The following DOK5 variants were observed in gnomAD, a reference collection of about 807,000 sequenced individuals.
The protein encoded by DOK5 is downstream of tyrosine kinase 5.
Under a neutral mutation model 43.3 loss-of-function variants are expected in DOK5, and 27 were observed. The observed-to-expected ratio is 0.62, with a 90% CI of 0.46 to 0.86. DOK5 has a LOEUF of 0.86. Among genes scored for constraint, DOK5 ranks in the 40% least tolerant of loss-of-function variants. DOK5 has a pLI of 0.00. For missense variants in DOK5, 373 were observed against 392.9 expected (o/e 0.95, Z 0.43); for synonymous variants, 146 against 140.1 (o/e 1.04, Z -0.30).
chr20:54,481,980 C>T (rs905853151), intron 1 of DOK5, among the ~76,000 whole-genome samples: 1 of 152,192 alleles, frequency 6.6e-6, no homozygotes, highest in African/African-American at 2.4e-5. Context: ...GACAATGACA[C>T]TTAACTGGTT....
chr20:54,605,011 AAATATATAT>A (rs1461477156), intron 5 of DOK5, among the ~76,000 whole-genome samples: 12 of 112,058 alleles, frequency 1.1e-4, no homozygotes, highest in Admixed American at 3.4e-4. Flanking sequence ...CAAAAAAAAA[AAATATATAT>A]ATATACACAC....
chr20:54,601,473 T>C (rs1568804467), intron 5 of DOK5, among the ~76,000 whole-genome samples: 1 of 152,344 alleles, frequency 6.6e-6, no homozygotes, highest in East Asian at 1.9e-4. Flanking sequence ...ACAGATACAA[T>C]TAATAAACAA....
intron 6 of DOK5, among the ~76,000 whole-genome samples, chr20:54,637,957 C>T (rs1364600474): frequency 3.3e-5 from 5 of 152,080 alleles, no homozygotes; most frequent in Non-Finnish European, 7.4e-5. Context: ...CCCGTCTCTA[C>T]TAAAAATACA....
chr20:54,539,506 C>A (rs1293529161), intron 1 of DOK5, among the ~76,000 whole-genome samples: 1 of 152,102 alleles, frequency 6.6e-6, no homozygotes, highest in East Asian at 1.9e-4. Context: ...TAGCTACAAT[C>A]TCTCTGTAGT....
At chr20:54,639,203 G>T (rs1007406616) in intron 6 of DOK5, among the ~76,000 whole-genome samples, 2 of 152,142 alleles carry the variant, frequency 1.3e-5, no homozygotes, top group South Asian at 4.1e-4. Flanking sequence ...CAAGTCCCTG[G>T]ACTCCCTCCC....
chr20:54,608,373 G>A (rs1986537488), intron 5 of DOK5, among the ~76,000 whole-genome samples: 1 of 152,150 alleles, frequency 6.6e-6, no homozygotes, highest in Non-Finnish European at 1.5e-5. Flanking sequence ...TTTCCTAATT[G>A]ATGGAATAAA....
At chr20:54,501,349 C>T (rs1367646943) in intron 1 of DOK5, among the ~76,000 whole-genome samples, 1 of 151,438 alleles carries the variant, frequency 6.6e-6, no homozygotes, top group East Asian at 1.9e-4. Context: ...CGCCTGTAGA[C>T]CCAGCTACTC....
chr20:54,524,340 A>T lies in DOK5; in HGVS notation c.67-30593A>T, dbSNP rs560937724. 6.6e-5 allele frequency among the ~76,000 whole-genome samples: 10 copies of T among 152,280 alleles called. No individual in the cohort carries two copies. The South Asian group carries it at 1.2e-3, about 19-fold the overall frequency. On this transcript the variant is annotated intron_variant, in intron 1 of 7. Transcript: ENST00000262593. ...CAGCGTGGTTCACTTGACAACATAA[A>T]CAGATATATGCTGTTAAATGGCCCA... is the stretch of plus-strand genomic sequence containing the variant.
At chr20:54,634,456 T>G (rs1353657626) in intron 6 of DOK5, among the ~76,000 whole-genome samples, 1 of 146,462 alleles carries the variant, frequency 6.8e-6, no homozygotes, top group African/African-American at 2.6e-5. Flanking sequence ...TTTTTTTTTT[T>G]TTTGAGATGG....
intron 6 of DOK5, among the ~76,000 whole-genome samples, chr20:54,625,232 G>C (rs1028348862): frequency 3.3e-5 from 5 of 152,152 alleles, no homozygotes; most frequent in Admixed American, 6.5e-5. Flanking sequence ...CATGAGGACT[G>C]GTTCATTAGA....
intron 5 of DOK5, among the ~76,000 whole-genome samples, chr20:54,609,867 T>A (rs1986587988): frequency 6.6e-6 from 1 of 152,228 alleles, no homozygotes; most frequent in Non-Finnish European, 1.5e-5. Context: ...TCCATCACAT[T>A]GAATGAAAGC....
intron 1 of DOK5, among the ~76,000 whole-genome samples, chr20:54,511,844 A>G (rs1379771755): frequency 2.0e-5 from 3 of 152,150 alleles, no homozygotes; most frequent in African/African-American, 7.2e-5. Flanking sequence ...TTCTTTCCCA[A>G]TGAGGGAGAG....
intron 6 of DOK5, among the ~76,000 whole-genome samples, chr20:54,637,168 C>A (rs138977299): frequency 6.6e-6 from 1 of 152,196 alleles, no homozygotes; most frequent in Non-Finnish European, 1.5e-5. Context: ...ACATGGGTCT[C>A]GTACTGCATG....
intron 1 of DOK5, among the ~76,000 whole-genome samples, chr20:54,489,185 G>A (rs904917769): frequency 1.3e-5 from 2 of 152,108 alleles, no homozygotes; most frequent in Non-Finnish European, 2.9e-5. Flanking sequence ...TAATATCAAA[G>A]GTTTGGATTT....
In DOK5 at chr20:54,650,913, G is replaced by A. The variant is rs1255169177; in HGVS notation, c.*434G>A. 1 of 155,410 alleles carries A rather than the reference G, an allele frequency of 6.4e-6. No individual in the cohort carries two copies. Among genetic ancestry groups the A allele is most frequent in the Non-Finnish European group, 1.4e-5 (1 of 70,198 alleles). 9.6% of individuals were successfully genotyped at this position (155,410 alleles called of 1,614,324 possible). On this transcript the variant is annotated 3_prime_UTR_variant, in exon 8 of 8. Coordinates refer to ENST00000262593, the MANE Select transcript of DOK5 (RefSeq NM_018431.5). Reference sequence around the variant, plus strand: ...TTATTTGTTTACACCCTATTCCTCAGTTATTATTACTGTGGTTCTGATTAA... The same window carrying A: ...TTATTTGTTTACACCCTATTCCTCAATTATTATTACTGTGGTTCTGATTAA...
chr20:54,619,673 C>G (rs983289869), intron 6 of DOK5, among the ~76,000 whole-genome samples: 2 of 152,026 alleles, frequency 1.3e-5, no homozygotes, highest in Non-Finnish European at 2.9e-5. Flanking sequence ...TTTGTCACTT[C>G]TTTGTGTTTC....
intron 1 of DOK5, among the ~76,000 whole-genome samples, chr20:54,540,466 T>G (rs1463354443): frequency 6.6e-6 from 1 of 152,184 alleles, no homozygotes. Context: ...TGGTATGAAC[T>G]GCTAACCACT....
intron 1 of DOK5, among the ~76,000 whole-genome samples, chr20:54,481,734 C>T (rs1981728023): frequency 6.6e-6 from 1 of 152,312 alleles, no homozygotes; most frequent in South Asian, 2.1e-4. Flanking sequence ...TGTGTTGTGG[C>T]TTAAGAGCAT....
chr20:54,638,058 C>T (rs1472483794), intron 6 of DOK5, among the ~76,000 whole-genome samples: 1 of 147,134 alleles, frequency 6.8e-6, no homozygotes, highest in Non-Finnish European at 1.5e-5. Flanking sequence ...GGAGGCGGAG[C>T]TTGCAGTGAG....
Sources: gnomAD v4.1 joint callset for allele counts (sites outside exome capture counted in the v4.1 genomes callset) on GRCh38, gnomAD v4.1.1 for gene constraint, MANE v1.5 for transcripts, NCBI Gene and HGNC (gene_info 2026-07-23, HGNC 2026-07-21) for gene names.